The following SCML4 variants were observed in gnomAD, a reference collection of about 807,000 sequenced individuals.
The protein encoded by SCML4 is Scm polycomb group protein like 4.
SCML4 carries 34 observed loss-of-function variants against 41.1 expected under a neutral mutation model. The observed-to-expected ratio is 0.83, with a 90% CI of 0.63 to 1.10. The LOEUF (loss-of-function observed/expected upper bound fraction) is 1.10. Ranked by LOEUF, SCML4 falls within the 50% of genes least tolerant of loss-of-function variation. The probability of loss-of-function intolerance (pLI) is 0.00; values close to 1 mark genes in which losing one functional copy is unlikely to be tolerated. For synonymous variants in SCML4, 214 were observed against 220.9 expected, an observed-to-expected ratio of 0.97 and a Z score of 0.28; for missense variants, 522 against 534.1, an observed-to-expected ratio of 0.98 and a Z score of 0.22.
chr6:107,800,997 A>C (rs1442189229), intron 1 of SCML4, among the ~76,000 whole-genome samples: 1 of 152,216 alleles, frequency 6.6e-6, no homozygotes, highest in Non-Finnish European at 1.5e-5. Flanking sequence ...CCCTCTTCCA[A>C]GTTTCTGCGT....
Position 107,704,823 on chromosome 6 carries a change from A to G in SCML4, c.*377T>C, listed in dbSNP as rs1188952619. 1.0e-5 allele frequency: 3 copies of G among 300,176 alleles called. No individual in the cohort carries two copies. The highest frequency in any genetic ancestry group is 2.3e-5 in the African/African-American group (1 of 43,676). The allele number at this position is 300,176 out of a possible 1,614,324, so 18.6% of individuals were successfully genotyped here. The stretch of plus-strand genomic sequence containing the variant: ...ATGGTGCTGAGGGGGTTGTCCCTGC[A>G]GAGACCGCAGGGACAAAGGTCCTTC... On this transcript the variant is annotated 3_prime_UTR_variant, in exon 8 of 8. Coordinates refer to ENST00000369020, the MANE Select transcript of SCML4 (RefSeq NM_198081.5).
rs1339242786 is a variant in SCML4, at chr6:107,703,133, A to G, written c.*2067T>C. Among the ~76,000 whole-genome samples, 1 of 152,222 alleles carries G rather than the reference A, an allele frequency of 6.6e-6. No homozygotes were observed. The highest frequency in any genetic ancestry group is 1.5e-5 in the Non-Finnish European group (1 of 68,028). Reference sequence around the variant, plus strand: ...ATGAATAATCCACCCCTTGTTTAGCATATCAAGAAATAAACATAAAAATGG... The same window carrying G: ...ATGAATAATCCACCCCTTGTTTAGCGTATCAAGAAATAAACATAAAAATGG... On this transcript the variant is annotated 3_prime_UTR_variant, in exon 8 of 8. Coordinates refer to ENST00000369020, the MANE Select transcript of SCML4 (RefSeq NM_198081.5).
intron 1 of SCML4, among the ~76,000 whole-genome samples, chr6:107,817,251 T>C (rs1014108479): frequency 1.3e-5 from 2 of 152,184 alleles, no homozygotes; most frequent in African/African-American, 4.8e-5. Flanking sequence ...GAACTCAATT[T>C]CTCAGCATTT....
At chr6:107,729,926 C>T (rs1776372774) in intron 5 of SCML4, among the ~76,000 whole-genome samples, 1 of 152,178 alleles carries the variant, frequency 6.6e-6, no homozygotes, top group Non-Finnish European at 1.5e-5. Flanking sequence ...AGAGTGAGGC[C>T]ATTGTGCTAT....
At chr6:107,749,529 C>T (rs1025083842) in intron 3 of SCML4, among the ~76,000 whole-genome samples, 155 bp downstream of exon 3, 1 of 152,196 alleles carries the variant, frequency 6.6e-6, no homozygotes, top group Admixed American at 6.5e-5. Context: ...CTCTCAAAGA[C>T]TCTGGTCATC....
Position 107,778,452 on chromosome 6 carries a change from A to C in SCML4, c.-59-6066T>G, listed in dbSNP as rs75193568. Reference sequence around the variant, plus strand: ...AAAACAGCCTAGTCATCAACTTTCTAAGTCTCCAAGTTATAACCTTTAAAC... The same window carrying C: ...AAAACAGCCTAGTCATCAACTTTCTCAGTCTCCAAGTTATAACCTTTAAAC... On this transcript the variant is annotated intron_variant, in intron 1 of 7. Transcript: ENST00000369020. Among the ~76,000 whole-genome samples the C allele has an allele frequency of 2.2e-4, 33 of 151,684 alleles. No individual in the cohort carries two copies. In the East Asian group the frequency reaches 3.5e-3, roughly 16 times the overall value.
intron 1 of SCML4, among the ~76,000 whole-genome samples, chr6:107,817,620 C>CA (rs35621962): frequency 0.015 from 689 of 45,984 alleles, 97 homozygotes; most frequent in East Asian, 0.086. Context: ...GACTTCATCT[C>CA]AAAAAAAAAA....
chr6:107,776,940 C>T (rs1781001127), intron 1 of SCML4, among the ~76,000 whole-genome samples: 1 of 152,064 alleles, frequency 6.6e-6, no homozygotes, highest in African/African-American at 2.4e-5. Context: ...AGCATATATA[C>T]CTTGATTCTC....
chr6:107,827,822 A>C (rs544140317), upstream of SCML4, among the ~76,000 whole-genome samples: 1 of 152,328 alleles, frequency 6.6e-6, no homozygotes, highest in South Asian at 2.1e-4. Flanking sequence ...ATCTACTTAG[A>C]GTAGCCTCCA....
chr6:107,707,981 G>A lies in SCML4; in HGVS notation c.1004C>T (p.Ala335Val). 6.4e-7 allele frequency: 1 copy of A among 1,551,160 alleles called. No individual in the cohort carries two copies. Among genetic ancestry groups the A allele is most frequent in the Non-Finnish European group, 8.7e-7 (1 of 1,146,994 alleles). Residue 335 changes from alanine (A) to valine (V), a missense_variant, in exon 7 of 8, where the codon GCC becomes GTC. Coordinates refer to ENST00000369020, the MANE Select transcript of SCML4 (RefSeq NM_198081.5). ...ASSPSQDAQD[A>V]RRPRSRNPSA... The stretch of plus-strand genomic sequence containing the variant: ...GGGGTTCCTGCTCCGTGGCCGCCTG[G>A]CATCCTGCGCATCCTGAGAAGGGCT...
chr6:107,837,345 G>A, the SCML4 span, among the ~76,000 whole-genome samples: 1 of 152,196 alleles, frequency 6.6e-6, no homozygotes, highest in Non-Finnish European at 1.5e-5. Context: ...ATGTCTTGGT[G>A]TGTTTGGGGG....
intron 1 of SCML4, among the ~76,000 whole-genome samples, chr6:107,807,818 G>C (rs1001888429): frequency 9.2e-5 from 14 of 152,214 alleles, no homozygotes; most frequent in Non-Finnish European, 1.9e-4. Flanking sequence ...TGTACGGAAA[G>C]GGGGCTATGT....
intron 2 of SCML4, among the ~76,000 whole-genome samples, chr6:107,760,451 A>G (rs1456102425): frequency 6.6e-6 from 1 of 152,146 alleles, no homozygotes; most frequent in Non-Finnish European, 1.5e-5. Flanking sequence ...TTGCCTTGAC[A>G]CTGAGGGAGG....
chr6:107,769,665 T>C lies in SCML4; in HGVS notation c.156+2507A>G, dbSNP rs1780358529. ...CAATATATCATTATAATAATGTTATTATTGATATAATAAAATTATGTTATA... is the reference window on the plus strand; with the variant it reads ...CAATATATCATTATAATAATGTTATCATTGATATAATAAAATTATGTTATA... On this transcript the variant is annotated intron_variant, in intron 2 of 7. Transcript: ENST00000369020. Among the ~76,000 whole-genome samples, 4 of 152,296 alleles carry C rather than the reference T, an allele frequency of 2.6e-5. No homozygotes were observed. The South Asian group carries it at 8.3e-4, about 32-fold the overall frequency.
chr6:107,754,080 G>C (rs778272860), intron 2 of SCML4, among the ~76,000 whole-genome samples: 2 of 152,206 alleles, frequency 1.3e-5, no homozygotes, highest in Non-Finnish European at 2.9e-5. Flanking sequence ...GCAGCACTGA[G>C]GGGGCACTGG....
At chr6:107,741,857 C>A (rs1027447662) in intron 5 of SCML4, among the ~76,000 whole-genome samples, 1 of 152,204 alleles carries the variant, frequency 6.6e-6, no homozygotes, top group Admixed American at 6.5e-5. Context: ...AATAAATATT[C>A]TTTCAATGCA....
In SCML4 at chr6:107,702,279, G is replaced by A. The variant is rs894303671; in HGVS notation, c.*2921C>T. ...TAATGCAAAATGAGATAGCACCTCC[G>A]CGAGAGAAGTTCCACGTGAACATGG... On this transcript the variant is annotated 3_prime_UTR_variant, in exon 8 of 8. Coordinates refer to ENST00000369020, the MANE Select transcript of SCML4 (RefSeq NM_198081.5). Among the ~76,000 whole-genome samples the A allele has an allele frequency of 5.9e-5, 9 of 152,162 alleles. No individual in the cohort carries two copies. The highest frequency in any genetic ancestry group is 1.2e-4 in the Non-Finnish European group (8 of 68,038).
Position 107,739,304 on chromosome 6 carries a change from C to T in SCML4, c.682+5645G>A, listed in dbSNP as rs75186101. On this transcript the variant is annotated intron_variant, in intron 5 of 7. Transcript: ENST00000369020. ...GTCTCAGTTCTGTTCTACAGGACCA[C>T]AGAGAACAAAGCCACCTGACCTGCT... is the stretch of plus-strand genomic sequence containing the variant. 2.5e-3 allele frequency among the ~76,000 whole-genome samples: 386 copies of T among 152,190 alleles called. 3 individuals are homozygous for T. Among genetic ancestry groups the T allele is most frequent in the African/African-American group, 8.9e-3 (371 of 41,524 alleles).
Position 107,705,976 on chromosome 6 carries a change from G to A in SCML4, c.1120-651C>T, listed in dbSNP as rs535004554. Among the ~76,000 whole-genome samples the A allele has an allele frequency of 4.6e-5, 7 of 152,230 alleles. No homozygotes were observed. In the South Asian group the frequency reaches 6.2e-4, roughly 14 times the overall value. ...AATGGTCACCCTCCAGAATGCATGT[G>A]GAGTTCATGAACCTAGCAAGGCTGG... On this transcript the variant is annotated intron_variant, in intron 7 of 7. Coordinates refer to ENST00000369020, the MANE Select transcript of SCML4 (RefSeq NM_198081.5).
Sources: gnomAD v4.1 joint callset for allele counts (sites outside exome capture counted in the v4.1 genomes callset) on GRCh38, gnomAD v4.1.1 for gene constraint, MANE v1.5 for transcripts, NCBI Gene and HGNC (gene_info 2026-07-23, HGNC 2026-07-21) for gene names.